FLRT2: variants seen among roughly 807,000 people sequenced by gnomAD.
FLRT2 encodes the protein leucine-rich repeat transmembrane protein FLRT2.
A neutral mutation model predicts 40.0 loss-of-function variants in FLRT2; 15 were observed. That is an observed-to-expected ratio of 0.38 (90% CI 0.25 to 0.58). The LOEUF is 0.58. Among genes scored for constraint, FLRT2 ranks in the 20% least tolerant of loss-of-function variants. The probability of loss-of-function intolerance (pLI) is 0.71; values close to 1 mark genes in which losing one functional copy is unlikely to be tolerated. For missense variants in FLRT2, 726 were observed against 840.0 expected (o/e 0.86, Z 1.68); for synonymous variants, 380 against 336.8 (o/e 1.13, Z -1.41).
At chr14:85,576,863 T>G (rs1891145353) in intron 1 of FLRT2, among the ~76,000 whole-genome samples, 1 of 152,226 alleles carries the variant, frequency 6.6e-6, no homozygotes, top group Middle Eastern at 3.2e-3. Flanking sequence ...GAGCAGAAAT[T>G]CTGCTGGCAG....
chr14:85,548,719 A>G (rs1295213733), intron 1 of FLRT2, among the ~76,000 whole-genome samples: 1 of 135,808 alleles, frequency 7.4e-6, no homozygotes, highest in South Asian at 2.8e-4. Flanking sequence ...TGATACAAAC[A>G]GGAAGCAGGG....
intron 1 of FLRT2, among the ~76,000 whole-genome samples, chr14:85,534,967 T>A (rs1888557983): frequency 6.6e-6 from 1 of 152,194 alleles, no homozygotes; most frequent in Non-Finnish European, 1.5e-5. Context: ...TGGGAATCAG[T>A]CTTCAAGAGC....
chr14:85,592,502 A>C (rs1595063067), intron 1 of FLRT2, among the ~76,000 whole-genome samples: 2 of 152,126 alleles, frequency 1.3e-5, no homozygotes, highest in African/African-American at 4.8e-5. Flanking sequence ...GAAAATCTGG[A>C]ATCAGCCGGG....
chr14:85,653,873 C>T lies in FLRT2; in HGVS notation c.*30376C>T, dbSNP rs1166311193. On this transcript the variant is annotated 3_prime_UTR_variant, in exon 2 of 2. Transcript: ENST00000330753. ...ACTTTCTAGAAATGAATGAAGAAAA[C>T]ATAGCAAAATTATACCTATTTTTTT... 1 of 152,120 alleles carries T rather than the reference C, an allele frequency of 6.6e-6. No individual in the cohort carries two copies. The highest frequency in any genetic ancestry group is 1.5e-5 in the Non-Finnish European group (1 of 68,018). The allele number at this position is 152,120 out of a possible 1,614,324, so 9.4% of individuals were successfully genotyped here. A position where few individuals can be genotyped will look rare whatever the true frequency, so the allele number is the denominator to read the frequency against.
At chr14:85,587,745 G>A (rs1461154292) in intron 1 of FLRT2, among the ~76,000 whole-genome samples, 3 of 152,030 alleles carry the variant, frequency 2.0e-5, no homozygotes, top group Admixed American at 6.6e-5. Context: ...AGAAGAGCTC[G>A]TATTTCAAAG....
At chr14:85,555,692 TTTTATTTTATTTTATTTTATTTTA>T (rs1889910331) in intron 1 of FLRT2, among the ~76,000 whole-genome samples, 1 of 147,866 alleles carries the variant, frequency 6.8e-6, no homozygotes, top group Admixed American at 6.8e-5. Context: ...CTGAAATCTA[TTTTATTTTATTTTATTTTATTTTA>T]TTTTATTTTA....
At chr14:85,567,671 C>A (rs936776236) in intron 1 of FLRT2, among the ~76,000 whole-genome samples, 1 of 131,652 alleles carries the variant, frequency 7.6e-6, no homozygotes, top group African/African-American at 2.9e-5. Flanking sequence ...GACGGAGTCT[C>A]ACTCTGTCAC....
At chr14:85,617,637 A>G (rs1282786761) in intron 1 of FLRT2, among the ~76,000 whole-genome samples, 1 of 152,180 alleles carries the variant, frequency 6.6e-6, no homozygotes, top group Non-Finnish European at 1.5e-5. Flanking sequence ...AAATGTAGAA[A>G]ATCATTATGG....
chr14:85,557,449 G>A (rs1890042301), intron 1 of FLRT2, among the ~76,000 whole-genome samples: 1 of 152,036 alleles, frequency 6.6e-6, no homozygotes, highest in South Asian at 2.1e-4. Flanking sequence ...TATTATGAAT[G>A]GGGCACCTAG....
chr14:85,577,471 T>C (rs1194519477), intron 1 of FLRT2, among the ~76,000 whole-genome samples: 4 of 152,176 alleles, frequency 2.6e-5, no homozygotes, highest in Non-Finnish European at 4.4e-5. Context: ...TTTTTGTTAA[T>C]TCCCTGCAGC....
In FLRT2 at chr14:85,647,766, C is replaced by T. The variant is rs1894340486; in HGVS notation, c.*24269C>T. On this transcript the variant is annotated 3_prime_UTR_variant, in exon 2 of 2. Transcript: ENST00000330753. ...GTTAAATGGACAACTATCGCAACCACATACAGGCAGAACCACTAAGAGTAA... is the reference window on the plus strand; with the variant it reads ...GTTAAATGGACAACTATCGCAACCATATACAGGCAGAACCACTAAGAGTAA... 1 of 152,160 alleles carries T rather than the reference C, an allele frequency of 6.6e-6. No individual in the cohort carries two copies. The highest frequency in any genetic ancestry group is 1.5e-5 in the Non-Finnish European group (1 of 68,044). 9.4% of individuals were successfully genotyped at this position (152,160 alleles called of 1,614,324 possible).
At chr14:85,571,635 G>A (rs1474596032) in intron 1 of FLRT2, among the ~76,000 whole-genome samples, 1 of 152,092 alleles carries the variant, frequency 6.6e-6, no homozygotes, top group Non-Finnish European at 1.5e-5. Flanking sequence ...TCTTATTTAG[G>A]TGGGCTGTGG....
intron 1 of FLRT2, among the ~76,000 whole-genome samples, chr14:85,576,512 G>A (rs1891133235): frequency 1.3e-5 from 2 of 152,168 alleles, no homozygotes; most frequent in South Asian, 4.1e-4. Flanking sequence ...GTTATTAAAA[G>A]CTTTCAACAC....
At chr14:85,560,646 A>G (rs2139843691) in intron 1 of FLRT2, among the ~76,000 whole-genome samples, 2 of 151,992 alleles carry the variant, frequency 1.3e-5, no homozygotes, top group South Asian at 4.1e-4. Flanking sequence ...GACATCACAA[A>G]AAAGGGCTGG....
In FLRT2 at chr14:85,632,750, T is replaced by C. The variant is rs1475373283; in HGVS notation, c.*9253T>C. On this transcript the variant is annotated 3_prime_UTR_variant, in exon 2 of 2. Coordinates refer to ENST00000330753, the MANE Select transcript of FLRT2 (RefSeq NM_013231.6). ...CCATGAGAATAGTCTTTCCTAGAAATGATATGCTTGTAAAGAAGGGAGTGG... is the reference window on the plus strand; with the variant it reads ...CCATGAGAATAGTCTTTCCTAGAAACGATATGCTTGTAAAGAAGGGAGTGG... 6.6e-6 allele frequency: 1 copy of C among 152,182 alleles called. No individual in the cohort carries two copies. The highest frequency in any genetic ancestry group is 1.9e-4 in the East Asian group (1 of 5,180). The allele number at this position is 152,182 out of a possible 1,614,324, so 9.4% of individuals were successfully genotyped here.
chr14:85,607,281 G>T (rs1001794927), intron 1 of FLRT2, among the ~76,000 whole-genome samples: 4 of 152,144 alleles, frequency 2.6e-5, no homozygotes, highest in Non-Finnish European at 5.9e-5. Context: ...TTTTCCTGCC[G>T]AGATGGAAGC....
intron 1 of FLRT2, among the ~76,000 whole-genome samples, chr14:85,609,685 G>A (rs1441810303): frequency 2.0e-5 from 3 of 152,178 alleles, no homozygotes; most frequent in Non-Finnish European, 2.9e-5. Context: ...GCACCTGCAC[G>A]CCTTAAATGG....
intron 1 of FLRT2, among the ~76,000 whole-genome samples, chr14:85,611,824 TG>T (rs1406380419): frequency 6.6e-6 from 1 of 152,106 alleles, no homozygotes; most frequent in Non-Finnish European, 1.5e-5. Context: ...AACTTTTTTC[TG>T]GAAAAACATC....
intron 1 of FLRT2, among the ~76,000 whole-genome samples, chr14:85,536,376 C>A (rs1225350721): frequency 6.6e-6 from 1 of 152,120 alleles, no homozygotes; most frequent in Non-Finnish European, 1.5e-5. Flanking sequence ...CTTCTGGGAT[C>A]TGAAGCGTCT....
Sources: allele counts gnomAD v4.1 joint callset (sites outside exome capture counted in the v4.1 genomes callset), GRCh38; gene constraint gnomAD v4.1.1; transcripts MANE v1.5; gene names NCBI Gene and HGNC (gene_info 2026-07-23, HGNC 2026-07-21).